CMIP: variants seen among roughly 807,000 people sequenced by gnomAD.
CMIP encodes the protein c-Maf inducing protein.
Under a neutral mutation model 97.3 loss-of-function variants are expected in CMIP, and 13 were observed. That is an observed-to-expected ratio of 0.13 (90% CI 0.09 to 0.21). CMIP has a LOEUF of 0.21. Ranked by LOEUF, CMIP falls within the 10% of genes least tolerant of loss-of-function variation. The pLI, the probability that CMIP is intolerant of heterozygous loss-of-function variation, is 1.00. For missense variants in CMIP, 847 were observed against 1,024.9 expected, an observed-to-expected ratio of 0.83 and a Z score of 2.37; for synonymous variants, 538 against 436.3, an observed-to-expected ratio of 1.23 and a Z score of -2.91.
At chr16:81,535,012 G>A (rs781126678) in intron 1 of CMIP, among the ~76,000 whole-genome samples, 116 of 152,204 alleles carry the variant, frequency 7.6e-4, no homozygotes, top group Non-Finnish European at 1.1e-3. Flanking sequence ...GTGCAGAGGC[G>A]TGATCTCGGC....
chr16:81,679,041 G>T (rs1172815611), intron 10 of CMIP, among the ~76,000 whole-genome samples: 1 of 152,210 alleles, frequency 6.6e-6, no homozygotes. Flanking sequence ...CATCTGCCAG[G>T]GTGTGCAGGA....
chr16:81,633,747 C>T (rs2092196993), intron 3 of CMIP, among the ~76,000 whole-genome samples: 2 of 152,202 alleles, frequency 1.3e-5, no homozygotes, highest in Non-Finnish European at 2.9e-5. Flanking sequence ...TGGTTTGTTT[C>T]CAGCGGGGGC....
chr16:81,491,140 C>T (rs2089399437), intron 1 of CMIP, among the ~76,000 whole-genome samples: 1 of 152,126 alleles, frequency 6.6e-6, no homozygotes. Context: ...CTGGCCATTA[C>T]CCTTGCAGGC....
At chr16:81,470,215 C>T (rs771177182) in intron 1 of CMIP, among the ~76,000 whole-genome samples, 5 of 152,252 alleles carry the variant, frequency 3.3e-5, no homozygotes, top group African/African-American at 7.2e-5. Context: ...CCTCAGCTCT[C>T]TGCTGCTTCC....
At chr16:81,691,865 GCC>G in intron 11 of CMIP, 25 bp downstream of exon 11, 1 of 1,602,196 alleles carries the variant, frequency 6.2e-7, no homozygotes, top group Non-Finnish European at 8.6e-7. Context: ...CATCCCCGGA[GCC>G]CTCCCACCTG....
rs925481093 is a variant in CMIP, at chr16:81,652,562, G to C, written c.639+198G>C. 6.6e-6 allele frequency among the ~76,000 whole-genome samples: 1 copy of C among 152,176 alleles called. No homozygotes were observed. The highest frequency in any genetic ancestry group is 6.5e-5 in the Admixed American group (1 of 15,280). ...AGGCTTGCCCCAGCTGCTTGCAGCT[G>C]TGCTGTCTGGGGATTGTAGGCACCG... On this transcript the variant is annotated intron_variant, in intron 4 of 20. Transcript: ENST00000537098. This position sits in a 1 kb window ranked among gnomAD's most constrained non-coding sequence, Gnocchi z 5.2.
intron 1 of CMIP, among the ~76,000 whole-genome samples, chr16:81,572,799 C>T (rs892923567): frequency 2.0e-5 from 3 of 152,144 alleles, no homozygotes; most frequent in African/African-American, 4.8e-5. Flanking sequence ...AGAATGACGG[C>T]GGTTCACATC....
In CMIP at chr16:81,614,765, GGT is replaced by G. The variant is rs1448833221; in HGVS notation, c.427-6103_427-6102del. On this transcript the variant is annotated intron_variant, in intron 2 of 20. Transcript: ENST00000537098. This position sits in a 1 kb window ranked among gnomAD's most constrained non-coding sequence, Gnocchi z 5.3. ...TGAGTGTGTATGTGTCTATGTCTGT[GGT>G]GTGTGTGGTATGTGTGCATGTGTGT... Among the ~76,000 whole-genome samples, 1 of 151,644 alleles carries G rather than the reference GGT, an allele frequency of 6.6e-6. No homozygotes were observed. The highest frequency in any genetic ancestry group is 1.5e-5 in the Non-Finnish European group (1 of 67,892).
At chr16:81,496,366 G>C (rs2089491062) in intron 1 of CMIP, among the ~76,000 whole-genome samples, 1 of 152,178 alleles carries the variant, frequency 6.6e-6, no homozygotes, top group Non-Finnish European at 1.5e-5. Context: ...GGCGATGGAT[G>C]GGAAACAAGG....
intron 1 of CMIP, among the ~76,000 whole-genome samples, chr16:81,482,813 C>T (rs1342658054): frequency 6.6e-6 from 1 of 152,266 alleles, no homozygotes; most frequent in Non-Finnish European, 1.5e-5. Flanking sequence ...CCGTTCCCAA[C>T]TGTAAAATGG....
At chr16:81,672,194 C>A (rs1046618108) in intron 9 of CMIP, 124 bp downstream of exon 9, 2 of 584,172 alleles carry the variant, frequency 3.4e-6, no homozygotes, top group South Asian at 2.3e-5. Flanking sequence ...CTGGGCAGAC[C>A]TCATGGTGTG....
rs1392448223 is a variant in CMIP, at chr16:81,710,561, G to A, written c.*762G>A. ...GAAGAAAAAAAAAAAGAACCTCCTT[G>A]GAAAAATTAATTGCTTTTTCGTAAT... On this transcript the variant is annotated 3_prime_UTR_variant, in exon 21 of 21. Transcript: ENST00000537098. 6.6e-6 allele frequency: 1 copy of A among 151,696 alleles called. No homozygotes were observed. The highest frequency in any genetic ancestry group is 1.5e-5 in the Non-Finnish European group (1 of 67,904). 9.4% of individuals were successfully genotyped at this position (151,696 alleles called of 1,614,324 possible).
chr16:81,529,418 T>A (rs1485448055), intron 1 of CMIP, among the ~76,000 whole-genome samples: 3 of 152,160 alleles, frequency 2.0e-5, no homozygotes. Flanking sequence ...GCTCTGGATC[T>A]GTCAGCAGTT....
intron 1 of CMIP, among the ~76,000 whole-genome samples, chr16:81,600,813 A>G (rs1167178013): frequency 6.6e-6 from 1 of 152,228 alleles, no homozygotes; most frequent in East Asian, 1.9e-4. Context: ...TCCCAGCGCA[A>G]GCCACTTTGA....
At chr16:81,701,512 G>C in intron 15 of CMIP, 148 bp from the exon 16 acceptor site, 1 of 1,039,206 alleles carries the variant, frequency 9.6e-7, no homozygotes, top group African/African-American at 1.6e-5. Context: ...AAGTTGGGCA[G>C]GTGATTTGCC....
intron 1 of CMIP, among the ~76,000 whole-genome samples, chr16:81,598,472 A>T (rs546857499): frequency 3.3e-5 from 5 of 152,242 alleles, no homozygotes; most frequent in African/African-American, 1.2e-4. Flanking sequence ...ATCACAGACG[A>T]TCCTGTAGGG....
At chr16:81,455,990 G>C (rs1906521852) in intron 1 of CMIP, among the ~76,000 whole-genome samples, 1 of 152,234 alleles carries the variant, frequency 6.6e-6, no homozygotes, top group Non-Finnish European at 1.5e-5. Flanking sequence ...AGTGCAGTGG[G>C]GTCTCAGCTG....
At chr16:81,502,577 T>C (rs576237534) in intron 1 of CMIP, among the ~76,000 whole-genome samples, 1 of 152,264 alleles carries the variant, frequency 6.6e-6, no homozygotes, top group African/African-American at 2.4e-5. Context: ...GTCATGCTGA[T>C]GGCTGGGCGA....
At chr16:81,550,574 C>G (rs2090633062) in intron 1 of CMIP, among the ~76,000 whole-genome samples, 1 of 152,306 alleles carries the variant, frequency 6.6e-6, no homozygotes, top group African/African-American at 2.4e-5. Flanking sequence ...ACCCTCTGTG[C>G]TCTAGGTGTG....
Sources: allele counts gnomAD v4.1 joint callset (sites outside exome capture counted in the v4.1 genomes callset), GRCh38; gene constraint gnomAD v4.1.1; non-coding constraint Gnocchi (gnomAD v3.1); transcripts MANE v1.5; gene names NCBI Gene and HGNC (gene_info 2026-07-23, HGNC 2026-07-21).